The following HS6ST3 variants were observed in gnomAD, a reference collection of about 807,000 sequenced individuals.
HS6ST3 encodes the protein heparan-sulfate 6-O-sulfotransferase 3.
Under a neutral mutation model 36.7 loss-of-function variants are expected in HS6ST3, and 12 were observed. That is an observed-to-expected ratio of 0.33 (90% CI 0.21 to 0.53). HS6ST3 has a LOEUF of 0.53. Ranked by LOEUF, HS6ST3 falls within the 20% of genes least tolerant of loss-of-function variation. The probability of loss-of-function intolerance (pLI) is 0.95; values close to 1 mark genes in which losing one functional copy is unlikely to be tolerated. For missense variants in HS6ST3, 584 were observed against 640.9 expected (o/e 0.91, Z 0.96); for synonymous variants, 240 against 257.5 (o/e 0.93, Z 0.65).
intron 1 of HS6ST3, among the ~76,000 whole-genome samples, chr13:96,304,796 C>T (rs766441122): frequency 1.3e-5 from 2 of 149,840 alleles, no homozygotes; most frequent in Non-Finnish European, 1.5e-5. Flanking sequence ...CTGCAACCTC[C>T]GCTTCCCGGG....
intron 1 of HS6ST3, among the ~76,000 whole-genome samples, chr13:96,487,395 C>T (rs955729006): frequency 6.6e-6 from 1 of 151,970 alleles, no homozygotes; most frequent in Non-Finnish European, 1.5e-5. Context: ...TACCTTATTT[C>T]CTTAGAGGAT....
intron 1 of HS6ST3, among the ~76,000 whole-genome samples, chr13:96,559,116 A>G (rs984767530): frequency 2.0e-5 from 3 of 150,498 alleles, no homozygotes; most frequent in Non-Finnish European, 4.4e-5. Flanking sequence ...CTATCTATCT[A>G]TCTATCTATT....
At chr13:96,629,181 A>G (rs2056523386) in intron 1 of HS6ST3, among the ~76,000 whole-genome samples, 1 of 152,286 alleles carries the variant, frequency 6.6e-6, no homozygotes, top group African/African-American at 2.4e-5. Flanking sequence ...AACTGTTCCA[A>G]AGACCTTAGA....
At chr13:96,831,974 A>AC in intron 1 of HS6ST3, among the ~76,000 whole-genome samples, 1 of 148,714 alleles carries the variant, frequency 6.7e-6, no homozygotes, top group African/African-American at 2.5e-5. Context: ...AAAAAAAAAA[A>AC]AAAAAACAGA....
chr13:96,203,309 G>A (rs1446310770), intron 1 of HS6ST3, among the ~76,000 whole-genome samples: 2 of 152,058 alleles, frequency 1.3e-5, no homozygotes, highest in Non-Finnish European at 2.9e-5. Flanking sequence ...TACCAGCCGC[G>A]GCCTTCTCTC....
chr13:96,614,944 C>A (rs1346255839), intron 1 of HS6ST3, among the ~76,000 whole-genome samples: 1 of 151,914 alleles, frequency 6.6e-6, no homozygotes, highest in Non-Finnish European at 1.5e-5. Context: ...TATAATATAT[C>A]TTTTAAAACT....
At chr13:96,569,393 A>G (rs543067149) in intron 1 of HS6ST3, among the ~76,000 whole-genome samples, 5 of 152,266 alleles carry the variant, frequency 3.3e-5, no homozygotes, top group African/African-American at 1.2e-4. Context: ...TGAAAAGGAG[A>G]CTGACGCCAA....
At chr13:96,173,779 A>C (rs1250981169) in intron 1 of HS6ST3, among the ~76,000 whole-genome samples, 1 of 151,996 alleles carries the variant, frequency 6.6e-6, no homozygotes, top group Non-Finnish European at 1.5e-5. Context: ...ATAAGAAAAA[A>C]AATCAATTGA....
At chr13:96,295,730 C>G (rs192738375) in intron 1 of HS6ST3, among the ~76,000 whole-genome samples, 1 of 152,140 alleles carries the variant, frequency 6.6e-6, no homozygotes, top group Non-Finnish European at 1.5e-5. Flanking sequence ...TGGTAAGTAT[C>G]AAATGGAAAG....
intron 1 of HS6ST3, among the ~76,000 whole-genome samples, chr13:96,283,921 G>A (rs2054787522): frequency 6.6e-6 from 1 of 152,190 alleles, no homozygotes; most frequent in African/African-American, 2.4e-5. Context: ...CAAGGTTATA[G>A]AGGGTACAGA....
intron 1 of HS6ST3, among the ~76,000 whole-genome samples, chr13:96,412,185 A>G (rs2055511248): frequency 6.6e-6 from 1 of 151,960 alleles, no homozygotes; most frequent in Non-Finnish European, 1.5e-5. Flanking sequence ...TTGCATTTTT[A>G]GTAGAGACGG....
intron 1 of HS6ST3, among the ~76,000 whole-genome samples, chr13:96,688,300 G>T (rs2138442859): frequency 6.6e-6 from 1 of 151,826 alleles, no homozygotes; most frequent in East Asian, 1.9e-4. Flanking sequence ...CCTCCCTCTG[G>T]TGGTACTAAG....
chr13:96,464,557 A>G (rs2055802765), intron 1 of HS6ST3, among the ~76,000 whole-genome samples: 1 of 152,066 alleles, frequency 6.6e-6, no homozygotes, highest in African/African-American at 2.4e-5. Flanking sequence ...TGTAATTGCT[A>G]AAAAGTGGAA....
chr13:96,716,573 A>G (rs1875700458), intron 1 of HS6ST3, among the ~76,000 whole-genome samples: 1 of 152,092 alleles, frequency 6.6e-6, no homozygotes, highest in African/African-American at 2.4e-5. Flanking sequence ...TCTATCATCT[A>G]TTTACCTATC....
chr13:96,721,406 C>G (rs1363857732), intron 1 of HS6ST3, among the ~76,000 whole-genome samples: 1 of 151,980 alleles, frequency 6.6e-6, no homozygotes, highest in Non-Finnish European at 1.5e-5. Context: ...AGAATGTTTG[C>G]ATAAATAATA....
intron 1 of HS6ST3, among the ~76,000 whole-genome samples, chr13:96,125,609 G>A (rs981127516): frequency 3.3e-5 from 5 of 152,058 alleles, no homozygotes; most frequent in Non-Finnish European, 7.4e-5. Context: ...ATAAAAATAA[G>A]TACCATGATG....
At chr13:96,109,869 C>T (rs571353054) in intron 1 of HS6ST3, among the ~76,000 whole-genome samples, 1 of 152,216 alleles carries the variant, frequency 6.6e-6, no homozygotes, top group African/African-American at 2.4e-5. Flanking sequence ...GTTGGAAGTG[C>T]CGGGTACTGG....
At chr13:96,400,167 A>G (rs2055442477) in intron 1 of HS6ST3, among the ~76,000 whole-genome samples, 3 of 151,754 alleles carry the variant, frequency 2.0e-5, no homozygotes. Context: ...ACACACACAC[A>G]CACACACACA....
chr13:96,707,922 C>G (rs138033963), intron 1 of HS6ST3, among the ~76,000 whole-genome samples: 3 of 152,178 alleles, frequency 2.0e-5, no homozygotes, highest in Non-Finnish European at 4.4e-5. Flanking sequence ...ACTTCAGGCC[C>G]TCTATTGACC....
Sources: allele counts gnomAD v4.1 joint callset (sites outside exome capture counted in the v4.1 genomes callset), GRCh38; gene constraint gnomAD v4.1.1; transcripts MANE v1.5; gene names NCBI Gene and HGNC (gene_info 2026-07-23, HGNC 2026-07-21).